Variants in ABCC9 observed in about 807,000 individuals in gnomAD.
ABCC9 encodes the protein ATP-binding cassette sub-family C member 9.
ABCC9 carries 95 observed loss-of-function variants against 188.3 expected under a neutral mutation model. That is an observed-to-expected ratio of 0.50 (90% CI 0.43 to 0.60). The LOEUF (loss-of-function observed/expected upper bound fraction) is 0.60, where lower values mean the gene tolerates loss of function less well. Among genes scored for constraint, ABCC9 ranks in the 20% least tolerant of loss-of-function variants. ABCC9 has a pLI of 0.00. For synonymous variants in ABCC9, 659 were observed against 652.7 expected (o/e 1.01, Z -0.15); for missense variants, 1,102 against 1,876.3 (o/e 0.59, Z 7.62).
intron 28 of ABCC9, among the ~76,000 whole-genome samples, chr12:21,843,495 C>T (rs1476063089): frequency 2.0e-5 from 3 of 152,140 alleles, no homozygotes; most frequent in African/African-American, 7.2e-5. Flanking sequence ...ATATTTTCTT[C>T]ACATTAAGTT....
At chr12:21,861,491 C>T (rs1945505042) in intron 20 of ABCC9, among the ~76,000 whole-genome samples, 1 of 152,118 alleles carries the variant, frequency 6.6e-6, no homozygotes, top group East Asian at 1.9e-4. Context: ...CTCAGCCTCC[C>T]AAAGTGCTAG....
At chr12:21,915,460 GTA>G (rs1948543814) in intron 7 of ABCC9, among the ~76,000 whole-genome samples, 1 of 66,554 alleles carries the variant, frequency 1.5e-5, no homozygotes, top group Admixed American at 2.0e-4. Flanking sequence ...ATATATGTGT[GTA>G]TATGTGTGTG....
intron 12 of ABCC9, among the ~76,000 whole-genome samples, chr12:21,895,748 T>C (rs914279072): frequency 6.6e-6 from 1 of 152,228 alleles, no homozygotes; most frequent in Non-Finnish European, 1.5e-5. Context: ...GAGTTCTCTT[T>C]CCAGCAGTGT....
At chr12:21,922,751 CTTTT>C (rs143763191) in intron 5 of ABCC9, among the ~76,000 whole-genome samples, 1 of 119,118 alleles carries the variant, frequency 8.4e-6, no homozygotes. Context: ...TTTTTTTTTT[CTTTT>C]TTTTTTTTTT....
At chr12:21,872,833 C>A in intron 17 of ABCC9, 103 bp from the exon 18 acceptor site, 1 of 909,462 alleles carries the variant, frequency 1.1e-6, no homozygotes, top group African/African-American at 1.6e-5. Context: ...ATCAATGGCC[C>A]AGTTTTGATC....
intron 33 of ABCC9, among the ~76,000 whole-genome samples, chr12:21,816,369 C>T (rs1459871803): frequency 6.6e-6 from 1 of 151,992 alleles, no homozygotes; most frequent in African/African-American, 2.4e-5. Flanking sequence ...GGGAATTGTC[C>T]AGTAGGTCAG....
intron 37 of ABCC9, 121 bp from the exon 38 acceptor site, chr12:21,807,600 T>C: frequency 7.4e-7 from 1 of 1,342,626 alleles, no homozygotes; most frequent in South Asian, 1.2e-5. Flanking sequence ...TTAGTGCTGG[T>C]GCAAGGACTT....
chr12:21,891,642 C>T (rs1017745559), intron 14 of ABCC9, among the ~76,000 whole-genome samples: 25 of 152,258 alleles, frequency 1.6e-4, no homozygotes, highest in Admixed American at 5.9e-4. Context: ...AATTCTCCTC[C>T]GGTAGAGAAG....
rs368279608 is a variant in ABCC9 at position 21,882,843 on chromosome 12, C to T, written c.1942G>A (p.Gly648Arg). 6.2e-7 allele frequency: 1 copy of T among 1,613,994 alleles called. No homozygotes were observed. The highest frequency in any genetic ancestry group is 8.5e-7 in the Non-Finnish European group (1 of 1,179,936). ...TCATAGCTGTCCAGGTGATATCTTC[C>T]AGGCTGTTTCCTGTTTATAGTTTTT... is the stretch of plus-strand genomic sequence containing the variant. ...QPKTINRKQP[G>R]RYHLDSYEQS... The change falls in exon 16 of 40, where the codon GGA (glycine) becomes AGA (arginine). Residue 648 changes from glycine (G) to arginine (R), a missense_variant. By Grantham distance (125) the Gly-to-Arg change is moderately radical. Coordinates refer to ENST00000261200, the MANE Select transcript of ABCC9 (RefSeq NM_020297.4).
chr12:21,851,958 A>C (rs2137439245), intron 24 of ABCC9, 139 bp downstream of exon 24: 2 of 1,033,154 alleles, frequency 1.9e-6, no homozygotes, highest in Non-Finnish European at 1.4e-6. Flanking sequence ...GCAAAGATAC[A>C]ATTGCTTTGG....
intron 5 of ABCC9, 64 bp from the exon 6 acceptor site, chr12:21,917,167 T>C: frequency 6.5e-7 from 1 of 1,530,214 alleles, no homozygotes; most frequent in East Asian, 2.2e-5. Flanking sequence ...AGCATTTGAA[T>C]GTAATTATGA....
rs376736105 is a variant in ABCC9, at chr12:21,801,022, T to C, written c.*22A>G. ...TTATGACTGCATTATTTTAAATACA[T>C]GTATTGTTTTAAGACACTCCTTCAC... On this transcript the variant is annotated 3_prime_UTR_variant, in exon 40 of 40. Coordinates refer to ENST00000261200, the MANE Select transcript of ABCC9 (RefSeq NM_020297.4). 1.2e-6 allele frequency: 2 copies of C among 1,613,178 alleles called. No individual in the cohort carries two copies. Among genetic ancestry groups the C allele is most frequent in the African/African-American group, 2.7e-5 (2 of 74,912 alleles).
In ABCC9 at chr12:21,869,946, T is replaced by A. The variant is rs140330589; in HGVS notation, c.2198+2679A>T. ...AACATGGAAGATGGTCCAACTGATG[T>A]ACAATTTATGTATTTTTCCAAGTGT... On this transcript the variant is annotated intron_variant, in intron 18 of 39. Coordinates refer to ENST00000261200, the MANE Select transcript of ABCC9 (RefSeq NM_020297.4). 5.6e-3 allele frequency among the ~76,000 whole-genome samples: 855 copies of A among 152,284 alleles called. 6 individuals carry two copies. Among genetic ancestry groups the A allele is most frequent in the African/African-American group, 0.019 (784 of 41,552 alleles).
intron 7 of ABCC9, among the ~76,000 whole-genome samples, chr12:21,913,914 G>A (rs936277236): frequency 3.3e-5 from 5 of 152,090 alleles, no homozygotes; most frequent in African/African-American, 4.8e-5. Flanking sequence ...TTATGTAGAC[G>A]TTAACACACC....
At chr12:21,918,749 T>C (rs1245752554) in intron 5 of ABCC9, among the ~76,000 whole-genome samples, 1 of 152,066 alleles carries the variant, frequency 6.6e-6, no homozygotes, top group African/African-American at 2.4e-5. Context: ...CAATAAAGAC[T>C]CTACTGATTG....
In ABCC9 at chr12:21,852,388, A is replaced by C; in HGVS notation, c.2623T>G (p.Tyr875Asp). ...TLVLVTHKLQ[Y>D]LTHADWIIAM... is the part of the protein sequence containing the mutation. ...CTTACCCAGTCAGCATGCGTCAGATACTGTAATTTGTGAGTCACAAGAACG... is the reference window on the plus strand; with the variant it reads ...CTTACCCAGTCAGCATGCGTCAGATCCTGTAATTTGTGAGTCACAAGAACG... Residue 875 changes from tyrosine to aspartate, a missense_variant, in exon 23 of 40, where the codon TAT (tyrosine) becomes GAT (aspartate). Tyr to Asp is a radical substitution (Grantham distance 160, BLOSUM62 -3). Around this residue, in one of 12 missense-constraint regions of ABCC9, gnomAD observed 131 missense variants for 170.2 expected, o/e 0.77. Transcript: ENST00000261200. The C allele has an allele frequency of 6.2e-7, 1 of 1,614,010 alleles. No individual in the cohort carries two copies. Among genetic ancestry groups the C allele is most frequent in the Non-Finnish European group, 8.5e-7 (1 of 1,179,982 alleles).
intron 12 of ABCC9, among the ~76,000 whole-genome samples, chr12:21,902,690 A>G (rs1470474496): frequency 3.3e-5 from 5 of 152,344 alleles, no homozygotes; most frequent in Admixed American, 6.5e-5. Flanking sequence ...CAGAAAATCT[A>G]GAAGAAATGG....
At chr12:21,880,516 T>C (rs1350368053) in intron 16 of ABCC9, among the ~76,000 whole-genome samples, 2 of 152,226 alleles carry the variant, frequency 1.3e-5, no homozygotes, top group East Asian at 3.9e-4. Flanking sequence ...TACCAAAAAT[T>C]TTTAAAGAGG....
At chr12:21,897,461 G>A (rs1344744193) in intron 12 of ABCC9, among the ~76,000 whole-genome samples, 1 of 152,132 alleles carries the variant, frequency 6.6e-6, no homozygotes, top group African/African-American at 2.4e-5. Context: ...TGAGTATGAA[G>A]CACTTGACAT....
Sources: gnomAD v4.1 joint callset for allele counts (sites outside exome capture counted in the v4.1 genomes callset) on GRCh38, gnomAD v4.1.1 for gene constraint, gnomAD v4.1.1 regional missense constraint, MANE v1.5 for transcripts, NCBI Gene and HGNC (gene_info 2026-07-23, HGNC 2026-07-21) for gene names.